PARD3B: variants seen among roughly 807,000 people sequenced by gnomAD.
The protein encoded by PARD3B is partitioning defective 3 homolog B.
Under a neutral mutation model 130.2 loss-of-function variants are expected in PARD3B, and 103 were observed. The observed-to-expected ratio is 0.79, with a 90% CI of 0.67 to 0.93. PARD3B has a LOEUF of 0.93. Ranked by LOEUF, PARD3B falls within the 40% of genes least tolerant of loss-of-function variation. PARD3B has a pLI of 0.00. For synonymous variants in PARD3B, 583 were observed against 553.2 expected (o/e 1.05, Z -0.76); for missense variants, 1,609 against 1,499.2 (o/e 1.07, Z -1.21).
chr2:204,766,076 A>G (rs2125418688), intron 2 of PARD3B, among the ~76,000 whole-genome samples: 1 of 152,256 alleles, frequency 6.6e-6, no homozygotes, highest in Non-Finnish European at 1.5e-5. Context: ...TTGAATTTGT[A>G]TTAGGTTTCC....
In PARD3B at chr2:204,859,868, G is replaced by A. The variant is rs529283517; in HGVS notation, c.223-105284G>A. On this transcript the variant is annotated intron_variant, in intron 2 of 22. Coordinates refer to ENST00000406610, the MANE Select transcript of PARD3B (RefSeq NM_001302769.2). ...GGAGGATATTAATGGAACTCTTTAG[G>A]CTTAACCTTGTTAAGGGACTGTTAT... Among the ~76,000 whole-genome samples the A allele has an allele frequency of 2.8e-4, 42 of 152,250 alleles. 1 individual carries two copies. The South Asian group carries it at 8.7e-3, about 32-fold the overall frequency.
chr2:205,513,789 C>T (rs2050683331), intron 21 of PARD3B, among the ~76,000 whole-genome samples: 1 of 151,954 alleles, frequency 6.6e-6, no homozygotes, highest in African/African-American at 2.4e-5. Flanking sequence ...GAAAGGCAGA[C>T]AGGAAACATA....
intron 2 of PARD3B, among the ~76,000 whole-genome samples, chr2:204,927,140 C>A (rs1189635213): frequency 6.6e-6 from 1 of 152,000 alleles, no homozygotes. Context: ...TTTGGTGATA[C>A]TAAAAAAATA....
chr2:204,705,383 G>A (rs111460798), intron 2 of PARD3B, among the ~76,000 whole-genome samples: 1,212 of 152,190 alleles, frequency 8.0e-3, no homozygotes, highest in African/African-American at 0.027. Context: ...TAAAAGAACA[G>A]AGAGTGAGTG....
intron 21 of PARD3B, among the ~76,000 whole-genome samples, chr2:205,527,664 A>G (rs2051397469): frequency 6.6e-6 from 1 of 152,208 alleles, no homozygotes. Flanking sequence ...AATAACCTTC[A>G]TCAGGGTCTG....
chr2:204,866,166 T>G (rs747160259), intron 2 of PARD3B, among the ~76,000 whole-genome samples: 4 of 152,192 alleles, frequency 2.6e-5, no homozygotes, highest in Non-Finnish European at 5.9e-5. Context: ...TGGTCATTAC[T>G]CATATCCAGT....
At chr2:205,004,447 G>T (rs564204948) in intron 3 of PARD3B, among the ~76,000 whole-genome samples, 1 of 152,056 alleles carries the variant, frequency 6.6e-6, no homozygotes, top group African/African-American at 2.4e-5. Flanking sequence ...TTCAATTCAG[G>T]CCCTAAGCAT....
chr2:204,729,420 G>A (rs1172828612), intron 2 of PARD3B, among the ~76,000 whole-genome samples: 3 of 152,062 alleles, frequency 2.0e-5, no homozygotes, highest in Non-Finnish European at 4.4e-5. Context: ...GTGTTAACTG[G>A]CTCATTCCCC....
At position 205,276,491 on chromosome 2, in the gene PARD3B, G is replaced by C. The variant is rs551053233; in HGVS notation, c.2186-24039G>C. Among the ~76,000 whole-genome samples the C allele has an allele frequency of 5.6e-4, 85 of 152,280 alleles. No homozygotes were observed. Among genetic ancestry groups the C allele is most frequent in the African/African-American group, 2.0e-3 (83 of 41,554 alleles). Reference sequence around the variant, plus strand: ...TGCTTTCTGAAAGAATTTAAAAGAAGACAAAGGAGTTGCAGGGAGAAGCAG... The same window carrying C: ...TGCTTTCTGAAAGAATTTAAAAGAACACAAAGGAGTTGCAGGGAGAAGCAG... On this transcript the variant is annotated intron_variant, in intron 16 of 22. Coordinates refer to ENST00000406610, the MANE Select transcript of PARD3B (RefSeq NM_001302769.2). This position sits in a 1 kb window ranked among gnomAD's most constrained non-coding sequence, Gnocchi z 5.0.
At chr2:205,612,968 A>G (rs138821739) in intron 22 of PARD3B, among the ~76,000 whole-genome samples, 15 of 152,002 alleles carry the variant, frequency 9.9e-5, no homozygotes, top group African/African-American at 3.4e-4. Flanking sequence ...TACTGTCACA[A>G]CCTCTCAGGG....
At position 204,675,671 on chromosome 2, in the gene PARD3B, C is replaced by T. The variant is rs141147032; in HGVS notation, c.121-10510C>T. ...CTAAAGCCCTTTATATAAAGAAAAC[C>T]GCTGAGATTATAGTTACTTCACAAA... On this transcript the variant is annotated intron_variant, in intron 1 of 22. Coordinates refer to ENST00000406610, the MANE Select transcript of PARD3B (RefSeq NM_001302769.2). The surrounding 1 kb of genome is among the most constrained non-coding windows in gnomAD (Gnocchi z 4.4). Among the ~76,000 whole-genome samples the T allele has an allele frequency of 7.3e-3, 1,113 of 151,878 alleles. 8 individuals carry two copies. Among genetic ancestry groups the T allele is most frequent in the Non-Finnish European group, 0.011 (766 of 67,914 alleles).
intron 1 of PARD3B, among the ~76,000 whole-genome samples, chr2:204,643,311 C>A (rs2035159833): frequency 6.6e-6 from 1 of 151,818 alleles, no homozygotes; most frequent in African/African-American, 2.4e-5. Flanking sequence ...ATTACCCAGT[C>A]TGTAATACAG....
chr2:205,604,705 A>G (rs2054920474), intron 22 of PARD3B, among the ~76,000 whole-genome samples: 2 of 152,034 alleles, frequency 1.3e-5, no homozygotes, highest in Admixed American at 1.3e-4. Context: ...CTTCTCAGGG[A>G]GTATCTTACC....
At chr2:204,889,048 C>A (rs2046360849) in intron 2 of PARD3B, among the ~76,000 whole-genome samples, 1 of 152,098 alleles carries the variant, frequency 6.6e-6, no homozygotes, top group African/African-American at 2.4e-5. Context: ...TGCTGGACTC[C>A]CAGAGCTCAA....
At chr2:205,199,510 C>G (rs2036874997) in intron 15 of PARD3B, among the ~76,000 whole-genome samples, 1 of 151,594 alleles carries the variant, frequency 6.6e-6, no homozygotes, top group African/African-American at 2.4e-5. Flanking sequence ...CGCACACACG[C>G]ACACACGTAG....
chr2:204,748,272 G>A (rs894269792), intron 2 of PARD3B, among the ~76,000 whole-genome samples: 5 of 152,126 alleles, frequency 3.3e-5, no homozygotes, highest in African/African-American at 7.2e-5. Context: ...GTTCATACAC[G>A]TAAAAATTGT....
intron 4 of PARD3B, among the ~76,000 whole-genome samples, chr2:205,099,210 A>G (rs1702589228): frequency 6.6e-6 from 1 of 152,200 alleles, no homozygotes; most frequent in Non-Finnish European, 1.5e-5. Flanking sequence ...AACATTAAAA[A>G]TAGAAGCTGT....
At chr2:205,123,314 A>G (rs2030980782) in intron 8 of PARD3B, among the ~76,000 whole-genome samples, 1 of 152,190 alleles carries the variant, frequency 6.6e-6, no homozygotes, top group Non-Finnish European at 1.5e-5. Flanking sequence ...TTAGAATTTT[A>G]AGTAGATGAG....
intron 15 of PARD3B, among the ~76,000 whole-genome samples, chr2:205,213,928 G>A (rs2037777980): frequency 6.6e-6 from 1 of 152,040 alleles, no homozygotes; most frequent in Non-Finnish European, 1.5e-5. Flanking sequence ...AATAAATTAG[G>A]CAATCACTTG....
Sources: allele counts gnomAD v4.1 joint callset (sites outside exome capture counted in the v4.1 genomes callset), GRCh38; gene constraint gnomAD v4.1.1; non-coding constraint Gnocchi (gnomAD v3.1); transcripts MANE v1.5; gene names NCBI Gene and HGNC (gene_info 2026-07-23, HGNC 2026-07-21).